Variants in DMD observed in about 807,000 individuals in gnomAD.
DMD encodes dystrophin.
Under a neutral mutation model 330.1 loss-of-function variants are expected in DMD, and 63 were observed. That is an observed-to-expected ratio of 0.19 (90% CI 0.16 to 0.24). The LOEUF (loss-of-function observed/expected upper bound fraction) is 0.24, where lower values mean the gene tolerates loss of function less well. DMD is among the 10% of genes least tolerant of loss of function. The pLI is 1.00. For missense variants in DMD, 3,344 were observed against 2,684.1 expected (o/e 1.25, Z -5.43); for synonymous variants, 1,223 against 959.8 (o/e 1.27, Z -5.07).
chrX:32,062,599 G>A (rs927971108), intron 44 of DMD, among the ~76,000 whole-genome samples: 4 of 110,982 alleles, frequency 3.6e-5, no homozygotes, highest in African/African-American at 1.3e-4. Context: ...TTTTTAATTT[G>A]TTTTAATGAG....
chrX:32,764,789 T>G, intron 7 of DMD, among the ~76,000 whole-genome samples: 1 of 111,501 alleles, frequency 9.0e-6, no homozygotes, highest in Non-Finnish European at 1.9e-5. Flanking sequence ...TCAATTCTTT[T>G]GAGTATATTC....
intron 55 of DMD, among the ~76,000 whole-genome samples, chrX:31,607,195 TG>T (rs1603422517): frequency 8.9e-6 from 1 of 111,869 alleles, no homozygotes; most frequent in African/African-American, 3.2e-5. Flanking sequence ...TGAACAATAA[TG>T]GTGGATATGC....
At chrX:32,991,592 C>A (rs2092978059) in intron 2 of DMD, among the ~76,000 whole-genome samples, 1 of 111,717 alleles carries the variant, frequency 9.0e-6, no homozygotes, top group African/African-American at 3.3e-5. Context: ...TAATGGCTAC[C>A]AAATTGGACA....
At chrX:32,976,921 T>C (rs1322787420) in intron 2 of DMD, among the ~76,000 whole-genome samples, 1 of 111,374 alleles carries the variant, frequency 9.0e-6, no homozygotes, top group Non-Finnish European at 1.9e-5. Flanking sequence ...TATTACAAAA[T>C]ATGTCTTACA....
At chrX:32,433,086 C>T (rs2098245031) in intron 29 of DMD, among the ~76,000 whole-genome samples, 1 of 112,470 alleles carries the variant, frequency 8.9e-6, no homozygotes, top group Admixed American at 9.4e-5. Context: ...CTTTGGACTT[C>T]TCAATGTGTG....
chrX:33,287,327 T>G lies in DMD; in HGVS notation c.7+51932A>C, dbSNP rs976889683. On this transcript the variant is annotated intron_variant, in intron 1 of 17. Transcript: ENST00000288447. ...GCCGTCCTTTGCATTGTAGGATGTT[T>G]GCCAGAATCTCTGTCTTCTACCTAC... Among the ~76,000 whole-genome samples the G allele has an allele frequency of 5.4e-5, 6 of 110,460 alleles. 2 individuals are homozygous for G. The Admixed American group carries it at 5.9e-4, about 11-fold the overall frequency.
rs73210593 is a variant in DMD at position 31,241,502 on chromosome X, A to C, written c.9287-18381T>G. On this transcript the variant is annotated intron_variant, in intron 63 of 78. Transcript: ENST00000357033. Reference sequence around the variant, plus strand: ...AACCCATAAGTATGTAATTCAATCAAATTCATATCTATTCCCTGTTGCTCC... The same window carrying C: ...AACCCATAAGTATGTAATTCAATCACATTCATATCTATTCCCTGTTGCTCC... 3.9e-3 allele frequency among the ~76,000 whole-genome samples: 432 copies of C among 112,133 alleles called. 2 individuals carry two copies. The highest frequency in any genetic ancestry group is 5.5e-3 in the Non-Finnish European group (293 of 53,208).
intron 1 of DMD, among the ~76,000 whole-genome samples, chrX:33,273,118 C>T (rs1008211370): frequency 5.4e-5 from 6 of 111,764 alleles, no homozygotes; most frequent in African/African-American, 2.0e-4. Context: ...AAGGGTGTCA[C>T]TGTGTCCTCA....
chrX:31,752,711 G>C (rs764605397), intron 51 of DMD, among the ~76,000 whole-genome samples: 146 of 111,460 alleles, frequency 1.3e-3, no homozygotes, highest in African/African-American at 4.7e-3. Flanking sequence ...GGGAGTGAAG[G>C]CTGCAGGAAA....
intron 9 of DMD, among the ~76,000 whole-genome samples, chrX:32,650,160 G>T (rs143705481): frequency 0.013 from 1,478 of 111,684 alleles, 23 homozygotes; most frequent in African/African-American, 0.046. Flanking sequence ...AAATAGCTGG[G>T]ACACTATGAG....
chrX:33,267,180 A>G (rs2053058464), intron 1 of DMD, among the ~76,000 whole-genome samples: 1 of 111,608 alleles, frequency 9.0e-6, no homozygotes, highest in Non-Finnish European at 1.9e-5. Context: ...ATATTTTTAT[A>G]GTAAAACATA....
intron 29 of DMD, among the ~76,000 whole-genome samples, chrX:32,425,190 T>G (rs1438141671): frequency 9.0e-6 from 1 of 111,218 alleles, no homozygotes; most frequent in African/African-American, 3.3e-5. Context: ...TCACTCTCAT[T>G]TCCTCAATGA....
intron 7 of DMD, among the ~76,000 whole-genome samples, chrX:32,783,332 T>C (rs1168967719): frequency 9.9e-6 from 1 of 101,119 alleles, no homozygotes; most frequent in African/African-American, 3.7e-5. Flanking sequence ...TATACACACA[T>C]ATATATACAC....
At chrX:32,622,690 C>G (rs1194305752) in intron 11 of DMD, among the ~76,000 whole-genome samples, 1 of 111,909 alleles carries the variant, frequency 8.9e-6, no homozygotes, top group African/African-American at 3.2e-5. Flanking sequence ...CACTCCCTAT[C>G]CTTTTTTATA....
chrX:31,218,225 T>C (rs1479552912), intron 64 of DMD, among the ~76,000 whole-genome samples: 1 of 108,837 alleles, frequency 9.2e-6, no homozygotes, highest in East Asian at 2.8e-4. Context: ...GGGTTTCTTT[T>C]TTTTTTTTTT....
chrX:33,244,421 G>T (rs2052634782), intron 1 of DMD, among the ~76,000 whole-genome samples: 2 of 111,828 alleles, frequency 1.8e-5, no homozygotes, highest in African/African-American at 6.5e-5. Context: ...ATACCAGTTT[G>T]CTCAGAACTA....
At chrX:31,831,037 T>C (rs1163680763) in intron 49 of DMD, among the ~76,000 whole-genome samples, 2 of 112,652 alleles carry the variant, frequency 1.8e-5, no homozygotes, top group African/African-American at 6.5e-5. Flanking sequence ...GAATTCCTCC[T>C]TAGAATCATG....
intron 1 of DMD, among the ~76,000 whole-genome samples, chrX:33,025,641 C>A (rs903954919): frequency 1.2e-4 from 13 of 111,909 alleles, no homozygotes; most frequent in East Asian, 8.5e-4. Flanking sequence ...TAACTTCAGA[C>A]CCCTGGGCTC....
intron 55 of DMD, among the ~76,000 whole-genome samples, chrX:31,514,364 G>T (rs1178003021): frequency 1.8e-5 from 2 of 111,539 alleles, no homozygotes; most frequent in Admixed American, 9.5e-5. Context: ...AGTTTTAGGA[G>T]TAGGGGAGAT....
Sources: allele counts gnomAD v4.1 joint callset (sites outside exome capture counted in the v4.1 genomes callset), GRCh38; gene constraint gnomAD v4.1.1; transcripts MANE v1.5; gene names NCBI Gene and HGNC (gene_info 2026-07-23, HGNC 2026-07-21).